Variants in RPS7 observed in about 807,000 individuals in gnomAD.
The protein encoded by RPS7 is ribosomal protein S7.
Under a neutral mutation model 22.1 loss-of-function variants are expected in RPS7, and 1 was observed. The ratio of observed to expected loss-of-function variants is 0.05; its 90% CI spans 0.02 to 0.21. RPS7 has a LOEUF of 0.21. Ranked by LOEUF, RPS7 falls within the 10% of genes least tolerant of loss-of-function variation. RPS7 has a pLI of 1.00. For synonymous variants in RPS7, 80 were observed against 92.0 expected (o/e 0.87, Z 0.74); for missense variants, 137 against 246.4 (o/e 0.56, Z 2.97).
chr2:3,577,435 T>C (rs1440103943), intron 4 of RPS7: 2 of 475,972 alleles, frequency 4.2e-6, no homozygotes, highest in East Asian at 3.9e-5. Context: ...AAAAGTAGTA[T>C]TCTGGGTCAT....
Position 3,576,600 on chromosome 2 carries a change from C to A in RPS7, c.261C>A (p.Phe87Leu). ...TAGTACGCGAATTGGAGAAAAAGTT[C>A]AGTGGGAAGCATGTCGTCTTTATCG... is the stretch of plus-strand genomic sequence containing the variant. ...VRLVRELEKKFSGKHVVFIAQ... is the reference protein window; with the variant it reads ...VRLVRELEKKLSGKHVVFIAQ... The change falls in exon 4 of 7, where the codon TTC becomes TTA. Residue 87 changes from phenylalanine (F) to leucine (L), a missense_variant. By Grantham distance (22) the Phe-to-Leu change is conservative. Coordinates refer to ENST00000645674, the MANE Select transcript of RPS7 (RefSeq NM_001011.4). 1 of 1,614,154 alleles carries A rather than the reference C, an allele frequency of 6.2e-7. No individual in the cohort carries two copies.
intron 4 of RPS7, chr2:3,577,452 G>A (rs1395218206): frequency 1.9e-6 from 1 of 525,918 alleles, no homozygotes; most frequent in African/African-American, 1.9e-5. Flanking sequence ...TCATAGGCAT[G>A]GGGAAAGGCG....
chr2:3,575,782 G>C, intron 2 of RPS7, 35 bp from the exon 3 acceptor site: 1 of 1,604,942 alleles, frequency 6.2e-7, no homozygotes, highest in Non-Finnish European at 8.5e-7. Context: ...TCGGACGCGC[G>C]CTCAGGGTCG....
At position 3,577,462 on chromosome 2, in the gene RPS7, G is replaced by A. The variant is rs567135258; in HGVS notation, c.292-248G>A. The A allele has an allele frequency of 1.7e-4, 94 of 542,466 alleles. 2 individuals are homozygous for A. Among genetic ancestry groups the A allele is most frequent in the African/African-American group, 1.6e-3 (84 of 52,822 alleles). 33.6% of individuals were successfully genotyped at this position (542,466 alleles called of 1,614,324 possible). The stretch of plus-strand genomic sequence containing the variant: ...CTGGGTCATAGGCATGGGGAAAGGC[G>A]TATCTGGGAGATTTTGTCCACTGGC... On this transcript the variant is annotated intron_variant, in intron 4 of 6. Coordinates refer to ENST00000645674, the MANE Select transcript of RPS7 (RefSeq NM_001011.4).
At chr2:3,575,790 T>G in intron 2 of RPS7, 27 bp from the exon 3 acceptor site, 16 of 1,608,376 alleles carry the variant, frequency 9.9e-6, no homozygotes, top group Non-Finnish European at 1.4e-5. Context: ...GCGCTCAGGG[T>G]CGGTCCTGCT....
At chr2:3,575,545 C>A in intron 1 of RPS7, 47 bp from the exon 2 acceptor site, 3 of 1,403,036 alleles carry the variant, frequency 2.1e-6, no homozygotes, top group South Asian at 2.3e-5. Context: ...GGCGAGCCAG[C>A]GGCGCCTGCA....
chr2:3,579,303 C>G (rs1572360072), intron 5 of RPS7: 1 of 152,160 alleles, frequency 6.6e-6, no homozygotes, highest in Non-Finnish European at 1.5e-5. Context: ...AGGCTTTTGC[C>G]CTTTGTGGCT....
intron 4 of RPS7, chr2:3,576,940 C>T: frequency 7.8e-6 from 3 of 387,082 alleles, no homozygotes; most frequent in African/African-American, 2.1e-5. Flanking sequence ...AACAAGAAGT[C>T]TGTAAAGTGA....
At chr2:3,577,658 G>T in intron 4 of RPS7, 52 bp from the exon 5 acceptor site, 1 of 1,354,466 alleles carries the variant, frequency 7.4e-7, no homozygotes, top group Non-Finnish European at 1.1e-6. Flanking sequence ...ACAGCTTTTT[G>T]TCAATTTAAA....
chr2:3,575,991 C>CT lies in RPS7; in HGVS notation c.147+104dup, dbSNP rs1477036518. On this transcript the variant is annotated intron_variant, in intron 3 of 6. Transcript: ENST00000645674. ...GTTACGGTTGATGATGACTTGCCGC[C>CT]TGGCCGCCTAACCTGAACTCAGGTT... 20 of 851,858 alleles carry CT rather than the reference C, an allele frequency of 2.3e-5. No homozygotes were observed. The African/African-American group carries it at 3.0e-4, about 13-fold the overall frequency. The allele number at this position is 851,858 out of a possible 1,614,324, so 52.8% of individuals were successfully genotyped here.
At chr2:3,580,638 G>A (rs1047151498) in intron 6 of RPS7, 167 bp from the exon 7 acceptor site, 1 of 662,372 alleles carries the variant, frequency 1.5e-6, no homozygotes, top group African/African-American at 1.8e-5. Context: ...CTGTCCCACA[G>A]CATTGGAGAA....
In RPS7 at chr2:3,579,861, G is replaced by A. The variant is rs1042104208; in HGVS notation, c.357-249G>A. On this transcript the variant is annotated intron_variant, in intron 5 of 6. Transcript: ENST00000645674. Reference sequence around the variant, plus strand: ...CACTCATTGCCTTGGTGAGTTTGTAGTTTATCCCAGAGTAACATTTAAAAT... The same window carrying A: ...CACTCATTGCCTTGGTGAGTTTGTAATTTATCCCAGAGTAACATTTAAAAT... 4.5e-5 allele frequency: 26 copies of A among 574,448 alleles called. 1 individual carries two copies. In the African/African-American group the frequency reaches 4.7e-4, roughly 10 times the overall value. 35.6% of individuals were successfully genotyped at this position (574,448 alleles called of 1,614,324 possible). A position where few individuals can be genotyped will look rare whatever the true frequency, so the allele number is the denominator to read the frequency against.
intron 5 of RPS7, 132 bp downstream of exon 5, chr2:3,577,906 AG>A: frequency 1.5e-6 from 1 of 679,042 alleles, no homozygotes; most frequent in Admixed American, 2.6e-5. Flanking sequence ...TTTCCTGTAT[AG>A]TTGCACATGA....
intron 3 of RPS7, 97 bp downstream of exon 3, chr2:3,575,985 T>G: frequency 1.1e-6 from 1 of 896,794 alleles, no homozygotes; most frequent in South Asian, 1.4e-5. Context: ...GATGATGACT[T>G]GCCGCCTGGC....
intron 2 of RPS7, 29 bp from the exon 3 acceptor site, chr2:3,575,788 G>A: frequency 1.2e-6 from 2 of 1,608,224 alleles, no homozygotes; most frequent in South Asian, 1.1e-5. Context: ...GCGCGCTCAG[G>A]GTCGGTCCTG....
At chr2:3,577,323 G>A (rs1325905819) in intron 4 of RPS7, 4 of 206,950 alleles carry the variant, frequency 1.9e-5, no homozygotes, top group Non-Finnish European at 4.0e-5. Context: ...GCGACAGAGC[G>A]AGACTCCATC....
At chr2:3,578,842 CCT>C (rs1661342065) in intron 5 of RPS7, 2 of 152,314 alleles carry the variant, frequency 1.3e-5, no homozygotes, top group South Asian at 2.1e-4. Flanking sequence ...TCAGTACAAA[CCT>C]CTGTTTTCCA....
intron 5 of RPS7, 59 bp from the exon 6 acceptor site, chr2:3,580,051 T>TGG: frequency 6.5e-7 from 1 of 1,546,004 alleles, no homozygotes; most frequent in Non-Finnish European, 8.9e-7. Context: ...AGGTGCCCTC[T>TGG]GGAGTTGCCC....
rs1352241560 is a variant in RPS7, at chr2:3,577,757, G to A, written c.339G>A (p.Lys113=). ...KPTRKSRTKN[K]QKRPRSRTLT... ...CTCGAAAAAGCCGTACAAAAAATAA[G>A]CAAAAGCGTCCCAGGAGGTGAGTAT... The change falls in exon 5 of 7, where the codon AAG becomes AAA. Residue 113 remains lysine, a synonymous_variant. Coordinates refer to ENST00000645674, the MANE Select transcript of RPS7 (RefSeq NM_001011.4). The A allele has an allele frequency of 6.2e-7, 1 of 1,612,052 alleles. No homozygotes were observed. Among genetic ancestry groups the A allele is most frequent in the South Asian group, 1.1e-5 (1 of 91,016 alleles).
Sources: allele counts gnomAD v4.1 joint callset, GRCh38; gene constraint gnomAD v4.1.1; transcripts MANE v1.5; gene names NCBI Gene and HGNC (gene_info 2026-07-23, HGNC 2026-07-21).